The following STXBP5L variants were observed in gnomAD, a reference collection of about 807,000 sequenced individuals.
The protein encoded by STXBP5L is syntaxin binding protein 5L, also known as syntaxin-binding protein 5-like.
Under a neutral mutation model 144.5 loss-of-function variants are expected in STXBP5L, and 65 were observed. The observed-to-expected ratio is 0.45, with a 90% CI of 0.37 to 0.55. STXBP5L has a LOEUF of 0.55. Among genes scored for constraint, STXBP5L ranks in the 20% least tolerant of loss-of-function variants. STXBP5L has a pLI of 0.00. For missense variants in STXBP5L, 1,298 were observed against 1,405.5 expected (o/e 0.92, Z 1.22); for synonymous variants, 505 against 469.6 (o/e 1.08, Z -0.97).
intron 5 of STXBP5L, among the ~76,000 whole-genome samples, chr3:121,106,996 G>A (rs2043743934): frequency 6.6e-6 from 1 of 152,054 alleles, no homozygotes; most frequent in South Asian, 2.1e-4. Flanking sequence ...AATGATCAGT[G>A]ATATTGAACT....
intron 3 of STXBP5L, among the ~76,000 whole-genome samples, chr3:121,005,306 C>G (rs964924067): frequency 6.6e-6 from 1 of 152,084 alleles, no homozygotes; most frequent in Non-Finnish European, 1.5e-5. Flanking sequence ...AGGAATTTAT[C>G]CATTTCTTCT....
chr3:121,005,555 G>A (rs894196504), intron 3 of STXBP5L, among the ~76,000 whole-genome samples: 4 of 152,094 alleles, frequency 2.6e-5, no homozygotes, highest in African/African-American at 4.8e-5. Context: ...ATTTCCTTCA[G>A]TTCTGCTCTG....
intron 3 of STXBP5L, among the ~76,000 whole-genome samples, chr3:121,034,754 G>T (rs1016217742): frequency 6.6e-6 from 1 of 152,118 alleles, no homozygotes; most frequent in African/African-American, 2.4e-5. Flanking sequence ...TGGGATTGCT[G>T]GATTGAATAG....
At chr3:121,091,596 C>A (rs1372480631) in intron 5 of STXBP5L, among the ~76,000 whole-genome samples, 2 of 152,168 alleles carry the variant, frequency 1.3e-5, no homozygotes, top group East Asian at 3.9e-4. Context: ...AGTGTATGTT[C>A]ATGTCCTTCG....
At chr3:121,311,324 T>A (rs920771547) in intron 19 of STXBP5L, among the ~76,000 whole-genome samples, 2 of 152,198 alleles carry the variant, frequency 1.3e-5, no homozygotes, top group Non-Finnish European at 2.9e-5. Context: ...TGGAAGTATT[T>A]AAAGGAAAAA....
chr3:121,405,210 T>C (rs1190115519), intron 22 of STXBP5L, among the ~76,000 whole-genome samples: 2 of 151,514 alleles, frequency 1.3e-5, no homozygotes, highest in Non-Finnish European at 2.9e-5. Flanking sequence ...TAACATATGA[T>C]TTTTTTTACA....
At chr3:121,251,517 A>G (rs2050025388) in intron 15 of STXBP5L, among the ~76,000 whole-genome samples, 1 of 152,180 alleles carries the variant, frequency 6.6e-6, no homozygotes, top group South Asian at 2.1e-4. Context: ...CAGGAATAGG[A>G]GTGAAGAACA....
At chr3:120,993,554 A>G (rs765152122) in intron 3 of STXBP5L, among the ~76,000 whole-genome samples, 4 of 152,048 alleles carry the variant, frequency 2.6e-5, no homozygotes, top group Non-Finnish European at 5.9e-5. Flanking sequence ...AACCCTGTTT[A>G]TTGAGGAGAC....
At chr3:120,985,718 T>C (rs1197233848) in intron 3 of STXBP5L, among the ~76,000 whole-genome samples, 3 of 151,996 alleles carry the variant, frequency 2.0e-5, no homozygotes, top group South Asian at 2.1e-4. Flanking sequence ...GTAATTGTTA[T>C]AGGATTGCCT....
chr3:121,034,816 TTG>T, intron 3 of STXBP5L, among the ~76,000 whole-genome samples: 1 of 152,298 alleles, frequency 6.6e-6, no homozygotes, highest in East Asian at 1.9e-4. Flanking sequence ...TCCACAGAGT[TTG>T]TACTAGTTTA....
At chr3:121,332,174 T>C (rs537771844) in intron 20 of STXBP5L, among the ~76,000 whole-genome samples, 2 of 151,884 alleles carry the variant, frequency 1.3e-5, no homozygotes, top group African/African-American at 4.8e-5. Context: ...AAAAATAATT[T>C]TGGCAATATG....
rs367735659 is a variant in STXBP5L, at chr3:121,318,434, G to A, written c.2111-41G>A. ...AAGAAATAAGAATAACCTACAAAAT[G>A]CTAGCAAAATTTATCTCATTTTTTT... On this transcript the variant is annotated intron_variant, in intron 19 of 26. Transcript: ENST00000471454. 3.4e-6 allele frequency: 5 copies of A among 1,483,606 alleles called. No individual in the cohort carries two copies. In the Admixed American group the frequency reaches 8.5e-5, roughly 25 times the overall value. The allele number at this position is 1,483,606 out of a possible 1,614,324, so 91.9% of individuals were successfully genotyped here.
chr3:121,395,486 T>G (rs2046705799), intron 22 of STXBP5L, among the ~76,000 whole-genome samples: 1 of 152,122 alleles, frequency 6.6e-6, no homozygotes, highest in Non-Finnish European at 1.5e-5. Context: ...AATAAAATAT[T>G]CTTGCATTTT....
At chr3:121,170,270 A>T (rs544307966) in intron 9 of STXBP5L, among the ~76,000 whole-genome samples, 1 of 152,316 alleles carries the variant, frequency 6.6e-6, no homozygotes, top group Non-Finnish European at 1.5e-5. Flanking sequence ...ACACCCTAAC[A>T]TCACAGTAAA....
intron 20 of STXBP5L, among the ~76,000 whole-genome samples, chr3:121,335,364 A>C (rs571388411): frequency 6.6e-6 from 1 of 152,330 alleles, no homozygotes; most frequent in South Asian, 2.1e-4. Context: ...CAATATCATT[A>C]AAATTGCCAT....
chr3:121,187,770 C>A lies in STXBP5L; in HGVS notation c.878-18153C>A, dbSNP rs564953901. ...GCAAATTGGATAAAGAGTCAAGGCCCATTGGTGTTCAGTATTCAGGAGACC... is the reference window on the plus strand; with the variant it reads ...GCAAATTGGATAAAGAGTCAAGGCCAATTGGTGTTCAGTATTCAGGAGACC... On this transcript the variant is annotated intron_variant, in intron 9 of 26. Coordinates refer to ENST00000471454, the MANE Select transcript of STXBP5L (RefSeq NM_001308330.2). Among the ~76,000 whole-genome samples, 11 of 151,810 alleles carry A rather than the reference C, an allele frequency of 7.2e-5. No homozygotes were observed. In the East Asian group the frequency reaches 7.7e-4, roughly 11 times the overall value.
chr3:121,384,723 T>G (rs984862530), intron 22 of STXBP5L, among the ~76,000 whole-genome samples: 1 of 151,802 alleles, frequency 6.6e-6, no homozygotes, highest in African/African-American at 2.4e-5. Context: ...AAACATTGGG[T>G]TTTTTTTCAA....
At chr3:121,090,998 A>C (rs1285356312) in intron 5 of STXBP5L, among the ~76,000 whole-genome samples, 4 of 138,636 alleles carry the variant, frequency 2.9e-5, no homozygotes, top group Non-Finnish European at 6.0e-5. Context: ...CTCATTGTTC[A>C]ATTCCCACCT....
intron 19 of STXBP5L, among the ~76,000 whole-genome samples, chr3:121,313,201 C>T (rs377021606): frequency 5.1e-5 from 7 of 138,080 alleles, no homozygotes; most frequent in Admixed American, 1.4e-4. Flanking sequence ...ACGGGGCGGC[C>T]GGCCGGAAGG....
Sources: allele counts gnomAD v4.1 joint callset (sites outside exome capture counted in the v4.1 genomes callset), GRCh38; gene constraint gnomAD v4.1.1; transcripts MANE v1.5; gene names NCBI Gene and HGNC (gene_info 2026-07-23, HGNC 2026-07-21).